RBFOX1: variants seen among roughly 807,000 people sequenced by gnomAD.
RBFOX1 encodes the protein RNA binding fox-1 homolog 1.
Under a neutral mutation model 57.7 loss-of-function variants are expected in RBFOX1, and 8 were observed. The ratio of observed to expected loss-of-function variants is 0.14; its 90% CI spans 0.08 to 0.25. The LOEUF (loss-of-function observed/expected upper bound fraction) is 0.25. RBFOX1 is among the 10% of genes least tolerant of loss of function. The probability of loss-of-function intolerance (pLI) is 1.00; values close to 1 mark genes in which losing one functional copy is unlikely to be tolerated. For missense variants in RBFOX1, 611 were observed against 548.5 expected, an observed-to-expected ratio of 1.11 and a Z score of -1.14; for synonymous variants, 326 against 222.4, an observed-to-expected ratio of 1.47 and a Z score of -4.15.
At chr16:5,349,402 G>A (rs2065212224) in intron 1 of RBFOX1, among the ~76,000 whole-genome samples, 1 of 152,088 alleles carries the variant, frequency 6.6e-6, no homozygotes, top group African/African-American at 2.4e-5. Flanking sequence ...GGCTGGGTAC[G>A]GTGGCTCAAG....
At chr16:6,837,633 C>G (rs957623522) in intron 3 of RBFOX1, among the ~76,000 whole-genome samples, 2 of 152,200 alleles carry the variant, frequency 1.3e-5, no homozygotes, top group Non-Finnish European at 2.9e-5. Context: ...CTCAATCTCT[C>G]TAAGCCTCAC....
In RBFOX1 at chr16:7,061,182, T is replaced by G. The variant is rs578066649; in HGVS notation, c.27+9084T>G. Among the ~76,000 whole-genome samples, 5 of 152,324 alleles carry G rather than the reference T, an allele frequency of 3.3e-5. No individual in the cohort carries two copies. The East Asian group carries it at 9.7e-4, about 29-fold the overall frequency. ...TAATTAGTTCTCTACTTCTAGAAGC[T>G]GCAGGAACTCAGGCAAATGATCCCC... On this transcript the variant is annotated intron_variant, in intron 4 of 15. Coordinates refer to ENST00000550418, the MANE Select transcript of RBFOX1 (RefSeq NM_018723.4).
At chr16:6,545,890 G>A (rs1426162787) in intron 2 of RBFOX1, among the ~76,000 whole-genome samples, 1 of 152,146 alleles carries the variant, frequency 6.6e-6, no homozygotes, top group Non-Finnish European at 1.5e-5. Context: ...CTGATGCCAG[G>A]CCTAAAGCTC....
intron 4 of RBFOX1, among the ~76,000 whole-genome samples, chr16:7,342,418 G>C (rs999024656): frequency 2.6e-5 from 4 of 152,166 alleles, no homozygotes; most frequent in Non-Finnish European, 5.9e-5. Context: ...ACCTGTCTGC[G>C]GGGATGGTCA....
At chr16:6,053,443 TAG>T (rs1567341293) in intron 1 of RBFOX1, among the ~76,000 whole-genome samples, 1 of 152,192 alleles carries the variant, frequency 6.6e-6, no homozygotes, top group East Asian at 1.9e-4. Flanking sequence ...AAGGTAAGTA[TAG>T]AAGTAAGAGG....
At position 7,674,018 on chromosome 16, in the gene RBFOX1, C is replaced by T. The variant is rs536870510; in HGVS notation, c.931-2756C>T. ...GCTCAGTGAGCTGCAAAATACAGAG[C>T]GATAAAATTGATTCAAGTCACCTGT... On this transcript the variant is annotated intron_variant, in intron 13 of 15. Coordinates refer to ENST00000550418, the MANE Select transcript of RBFOX1 (RefSeq NM_018723.4). Among the ~76,000 whole-genome samples the T allele has an allele frequency of 1.1e-4, 17 of 152,140 alleles. 1 individual carries two copies. The highest frequency in any genetic ancestry group is 8.3e-4 in the South Asian group (4 of 4,826).
chr16:5,719,965 C>G (rs1329619134), intron 3 of RBFOX1, among the ~76,000 whole-genome samples: 4 of 152,052 alleles, frequency 2.6e-5, no homozygotes, highest in Non-Finnish European at 5.9e-5. Context: ...CCCGCCCCGC[C>G]CCCATGATTT....
chr16:7,055,749 C>G (rs1473645788), intron 4 of RBFOX1, among the ~76,000 whole-genome samples: 1 of 152,180 alleles, frequency 6.6e-6, no homozygotes, highest in Non-Finnish European at 1.5e-5. Flanking sequence ...GTAGGATTTA[C>G]TTAAACTGGA....
At chr16:7,213,849 C>G (rs2091577064) in intron 4 of RBFOX1, among the ~76,000 whole-genome samples, 1 of 152,154 alleles carries the variant, frequency 6.6e-6, no homozygotes, top group African/African-American at 2.4e-5. Flanking sequence ...TTGAAAAAGT[C>G]CTGCCCAGCA....
At chr16:5,822,915 G>A (rs1457142602) in intron 3 of RBFOX1, among the ~76,000 whole-genome samples, 1 of 152,210 alleles carries the variant, frequency 6.6e-6, no homozygotes, top group African/African-American at 2.4e-5. Context: ...GCCAGGCTGT[G>A]GGCTTAGATG....
At chr16:7,662,905 T>C (rs2068129237) in intron 12 of RBFOX1, among the ~76,000 whole-genome samples, 1 of 152,232 alleles carries the variant, frequency 6.6e-6, no homozygotes, top group African/African-American at 2.4e-5. Context: ...CACTGCACTG[T>C]TGATTGAGGA....
In RBFOX1 at chr16:7,436,413, A is replaced by G. The variant is rs141909792; in HGVS notation, c.28-81734A>G. On this transcript the variant is annotated intron_variant, in intron 4 of 15. Coordinates refer to ENST00000550418, the MANE Select transcript of RBFOX1 (RefSeq NM_018723.4). ...TGTAATAACTGGAATTTCCTGTTCA[A>G]AGGTTGGGGATGTGTGAAATTTGGA... Among the ~76,000 whole-genome samples the G allele has an allele frequency of 2.1e-3, 321 of 152,284 alleles. 1 individual carries two copies. The highest frequency in any genetic ancestry group is 7.5e-3 in the African/African-American group (310 of 41,560).
chr16:6,650,039 G>C (rs1482820402), intron 2 of RBFOX1, among the ~76,000 whole-genome samples: 1 of 152,182 alleles, frequency 6.6e-6, no homozygotes, highest in Non-Finnish European at 1.5e-5. Flanking sequence ...AGGAAGTGCA[G>C]AGATCTCTTT....
chr16:7,131,436 C>T (rs543436518), intron 4 of RBFOX1, among the ~76,000 whole-genome samples: 1 of 142,894 alleles, frequency 7.0e-6, no homozygotes, highest in African/African-American at 2.6e-5. Flanking sequence ...TAGTTGGCCA[C>T]TTTACATCTC....
At chr16:7,631,756 C>T (rs956946808) in intron 11 of RBFOX1, among the ~76,000 whole-genome samples, 4 of 152,322 alleles carry the variant, frequency 2.6e-5, no homozygotes, top group East Asian at 1.9e-4. Flanking sequence ...CAAAACCAAA[C>T]ATCTTCGTTT....
intron 7 of RBFOX1, among the ~76,000 whole-genome samples, chr16:7,591,140 G>A (rs1322702099): frequency 6.6e-6 from 1 of 152,128 alleles, no homozygotes; most frequent in Non-Finnish European, 1.5e-5. Context: ...AGCTGAGAGT[G>A]AGAGTTGCGT....
intron 3 of RBFOX1, among the ~76,000 whole-genome samples, chr16:6,856,475 G>A (rs1006640098): frequency 6.6e-6 from 1 of 152,028 alleles, no homozygotes; most frequent in South Asian, 2.1e-4. Context: ...TTTAAACCCA[G>A]GATATAAAGG....
intron 4 of RBFOX1, among the ~76,000 whole-genome samples, chr16:5,893,670 G>A (rs569386553): frequency 2.0e-5 from 3 of 152,194 alleles, no homozygotes; most frequent in African/African-American, 7.2e-5. Context: ...GCTGGGCGTG[G>A]TGGTGGTTGC....
intron 4 of RBFOX1, among the ~76,000 whole-genome samples, chr16:5,979,787 G>A (rs1007597784): frequency 2.0e-5 from 3 of 152,260 alleles, no homozygotes; most frequent in African/African-American, 4.8e-5. Flanking sequence ...GCTTGAACCC[G>A]GGAGGCAGAG....
Sources: gnomAD v4.1 joint callset for allele counts (sites outside exome capture counted in the v4.1 genomes callset) on GRCh38, gnomAD v4.1.1 for gene constraint, MANE v1.5 for transcripts, NCBI Gene and HGNC (gene_info 2026-07-23, HGNC 2026-07-21) for gene names.